The following FGF12 variants were observed in gnomAD, a reference collection of about 807,000 sequenced individuals.
The protein encoded by FGF12 is fibroblast growth factor 12B.
FGF12 carries 14 observed loss-of-function variants against 23.6 expected under a neutral mutation model. That is an observed-to-expected ratio of 0.59 (90% confidence interval 0.39 to 0.93). The LOEUF (loss-of-function observed/expected upper bound fraction) is 0.93. Among genes scored for constraint, FGF12 ranks in the 40% least tolerant of loss-of-function variants. The pLI is 0.00. For synonymous variants in FGF12, 62 were observed against 77.3 expected, an observed-to-expected ratio of 0.80 and a Z score of 1.04; for missense variants, 175 against 217.8, an observed-to-expected ratio of 0.80 and a Z score of 1.24.
intron 2 of FGF12, among the ~76,000 whole-genome samples, chr3:192,663,606 G>A (rs190545626): frequency 6.6e-6 from 1 of 152,086 alleles, no homozygotes; most frequent in East Asian, 1.9e-4. Context: ...CTGATTTAGG[G>A]GGCTCTCATG....
chr3:192,180,773 G>A (rs1024468601), intron 4 of FGF12, among the ~76,000 whole-genome samples: 11 of 152,232 alleles, frequency 7.2e-5, no homozygotes, highest in African/African-American at 2.6e-4. Context: ...TTATAAAACT[G>A]GACAAAGTAT....
chr3:192,667,361 T>G (rs761832746), intron 2 of FGF12, among the ~76,000 whole-genome samples: 4 of 151,892 alleles, frequency 2.6e-5, no homozygotes, highest in Non-Finnish European at 5.9e-5. Flanking sequence ...CCCAGCAGTT[T>G]GGGAGGCCAA....
intron 4 of FGF12, among the ~76,000 whole-genome samples, chr3:192,291,913 T>C (rs995133719): frequency 5.3e-5 from 8 of 152,180 alleles, no homozygotes; most frequent in African/African-American, 1.4e-4. Flanking sequence ...AAAAGCAAAG[T>C]GTGCTATATT....
At chr3:192,373,538 T>C (rs1324406210) in intron 2 of FGF12, among the ~76,000 whole-genome samples, 3 of 152,208 alleles carry the variant, frequency 2.0e-5, no homozygotes, top group Non-Finnish European at 2.9e-5. Flanking sequence ...TAAATTATAA[T>C]CTAGACAAAC....
chr3:192,184,491 C>T (rs1465427160), intron 4 of FGF12, among the ~76,000 whole-genome samples: 2 of 152,190 alleles, frequency 1.3e-5, no homozygotes, highest in East Asian at 1.9e-4. Flanking sequence ...TAAGCTTGAC[C>T]GATGGTCTGA....
At chr3:192,471,085 G>C (rs1233984474) in intron 2 of FGF12, among the ~76,000 whole-genome samples, 1 of 152,112 alleles carries the variant, frequency 6.6e-6, no homozygotes, top group East Asian at 1.9e-4. Flanking sequence ...CTCCCCACTA[G>C]AATGTATGGC....
chr3:192,314,688 G>T (rs1319156954), intron 4 of FGF12, among the ~76,000 whole-genome samples: 1 of 152,152 alleles, frequency 6.6e-6, no homozygotes, highest in East Asian at 1.9e-4. Context: ...TTTCCTCACA[G>T]CTAGACTCAA....
intron 4 of FGF12, among the ~76,000 whole-genome samples, chr3:192,278,444 A>G (rs758003513): frequency 6.6e-6 from 1 of 152,198 alleles, no homozygotes; most frequent in African/African-American, 2.4e-5. Flanking sequence ...ACCAACGTCA[A>G]AATATAGTCC....
Position 192,144,006 on chromosome 3 carries a change from C to A in FGF12, c.*3G>T, listed in dbSNP as rs1361826702. 6.4e-7 allele frequency: 1 copy of A among 1,569,776 alleles called. No homozygotes were observed. Among genetic ancestry groups the A allele is most frequent in the Non-Finnish European group, 8.8e-7 (1 of 1,139,984 alleles). On this transcript the variant is annotated 3_prime_UTR_variant, in exon 6 of 6. Transcript: ENST00000445105. ...AGAGAGGGAAGAAGGGGAGAGTTCT[C>A]AGCTATGTTGAATCTTGATTCACAA...
At chr3:192,717,366 T>TA (rs1377467037) in intron 2 of FGF12, among the ~76,000 whole-genome samples, 1 of 152,184 alleles carries the variant, frequency 6.6e-6, no homozygotes, top group Non-Finnish European at 1.5e-5. Context: ...ATTGGGTTTT[T>TA]ATGAGGCTTA....
At chr3:192,443,366 T>G (rs183689025) in intron 2 of FGF12, among the ~76,000 whole-genome samples, 1 of 152,338 alleles carries the variant, frequency 6.6e-6, no homozygotes, top group African/African-American at 2.4e-5. Context: ...TTTTCTGCTC[T>G]TACATACAGA....
intron 2 of FGF12, among the ~76,000 whole-genome samples, chr3:192,531,920 A>C (rs568183424): frequency 6.6e-6 from 1 of 152,158 alleles, no homozygotes; most frequent in African/African-American, 2.4e-5. Context: ...TTAGACCTAC[A>C]TTCTGGATTA....
At position 192,388,211 on chromosome 3, in the gene FGF12, C is replaced by T. The variant is rs556797314; in HGVS notation, c.14-27673G>A. The stretch of plus-strand genomic sequence containing the variant: ...TGGAGGTCAAGGCTGAAGTGAGCTG[C>T]GATCGGACTGTTGTTGCACACCAGC... On this transcript the variant is annotated intron_variant, in intron 2 of 5. Coordinates refer to ENST00000445105, the MANE Select transcript of FGF12 (RefSeq NM_004113.6). Among the ~76,000 whole-genome samples, 14 of 151,964 alleles carry T rather than the reference C, an allele frequency of 9.2e-5. No homozygotes were observed. The East Asian group carries it at 1.2e-3, about 13-fold the overall frequency.
chr3:192,662,415 C>T (rs1177225983), intron 2 of FGF12, among the ~76,000 whole-genome samples: 1 of 152,086 alleles, frequency 6.6e-6, no homozygotes, highest in African/African-American at 2.4e-5. Context: ...CTTCAATAAC[C>T]ATATTAGCCA....
chr3:192,690,276 TTGTG>T (rs765793188), intron 2 of FGF12, among the ~76,000 whole-genome samples: 7 of 151,930 alleles, frequency 4.6e-5, no homozygotes, highest in Non-Finnish European at 1.0e-4. Flanking sequence ...ACTGAAATGG[TTGTG>T]TGTAAGTTGC....
intron 3 of FGF12, among the ~76,000 whole-genome samples, chr3:192,349,661 T>C (rs1333771765): frequency 6.6e-6 from 1 of 152,108 alleles, no homozygotes; most frequent in African/African-American, 2.4e-5. Context: ...TTTACTATTA[T>C]TGCTATAGAA....
At chr3:192,221,392 T>C (rs761744599) in intron 4 of FGF12, among the ~76,000 whole-genome samples, 7 of 152,194 alleles carry the variant, frequency 4.6e-5, no homozygotes, top group Non-Finnish European at 1.0e-4. Context: ...ATGCTATGCA[T>C]ACGTAGTACT....
intron 5 of FGF12, among the ~76,000 whole-genome samples, chr3:192,147,006 C>T (rs751274656): frequency 2.8e-4 from 43 of 152,036 alleles, no homozygotes; most frequent in Non-Finnish European, 5.7e-4. Flanking sequence ...AGTTAGAAAA[C>T]GACAAGTAAA....
chr3:192,466,397 G>A (rs76623806), intron 2 of FGF12, among the ~76,000 whole-genome samples: 2,737 of 152,004 alleles, frequency 0.018, 66 homozygotes, highest in African/African-American at 0.062. Flanking sequence ...ACACACACAC[G>A]CACTCAGAGA....
Sources: gnomAD v4.1 joint callset for allele counts (sites outside exome capture counted in the v4.1 genomes callset) on GRCh38, gnomAD v4.1.1 for gene constraint, MANE v1.5 for transcripts, NCBI Gene and HGNC (gene_info 2026-07-23, HGNC 2026-07-21) for gene names.